WNT9B: variants seen among roughly 807,000 people sequenced by gnomAD.
The protein encoded by WNT9B is Wnt family member 9B, also known as protein Wnt-9b.
WNT9B carries 12 observed loss-of-function variants against 30.2 expected under a neutral mutation model. That is an observed-to-expected ratio of 0.40 (90% CI 0.26 to 0.64). The LOEUF (loss-of-function observed/expected upper bound fraction) is 0.64. Among genes scored for constraint, WNT9B ranks in the 30% least tolerant of loss-of-function variants. The pLI is 0.42. For synonymous variants in WNT9B, 218 were observed against 216.9 expected (o/e 1.01, Z -0.05); for missense variants, 442 against 485.2 (o/e 0.91, Z 0.84).
At chr17:46,872,041 G>A (rs2085253510) in intron 1 of WNT9B, among the ~76,000 whole-genome samples, 1 of 152,128 alleles carries the variant, frequency 6.6e-6, no homozygotes, top group Admixed American at 6.5e-5. Flanking sequence ...CATCCCCTCT[G>A]CCTGCCCCCT....
chr17:46,837,170 T>G (rs773349370), intron 1 of WNT9B, among the ~76,000 whole-genome samples: 1 of 152,196 alleles, frequency 6.6e-6, no homozygotes, highest in Non-Finnish European at 1.5e-5. Flanking sequence ...CTTGATCTCT[T>G]GACCTCGTGA....
chr17:46,866,467 A>AGT (rs997916157), intron 1 of WNT9B, among the ~76,000 whole-genome samples: 1 of 151,370 alleles, frequency 6.6e-6, no homozygotes, highest in Non-Finnish European at 1.5e-5. Flanking sequence ...AGGGAGTGTG[A>AGT]GTGTGTGTGT....
upstream of WNT9B, among the ~76,000 whole-genome samples, chr17:46,849,858 T>G (rs1056905977): frequency 4.6e-5 from 7 of 151,718 alleles, no homozygotes; most frequent in African/African-American, 7.3e-5. Flanking sequence ...TCTTTTTTTT[T>G]TTGTTTTGAG....
upstream of WNT9B, among the ~76,000 whole-genome samples, chr17:46,849,157 A>G (rs956244296): frequency 6.6e-6 from 1 of 152,226 alleles, no homozygotes; most frequent in African/African-American, 2.4e-5. Flanking sequence ...GGGCCACGCC[A>G]TTGGCTGGCA....
chr17:46,880,387 C>A lies in WNT9B; in HGVS notation c.*3669C>A, dbSNP rs965348127. On this transcript the variant is annotated 3_prime_UTR_variant, in exon 4 of 4. Coordinates refer to ENST00000290015, the MANE Select transcript of WNT9B (RefSeq NM_003396.3). ...TGGAAGCCATCACTTATTGAGCACC[C>A]CTTATGTCCATTTATTCAACCAATG... Among the ~76,000 whole-genome samples the A allele has an allele frequency of 1.3e-5, 2 of 152,166 alleles. No individual in the cohort carries two copies. The highest frequency in any genetic ancestry group is 4.8e-5 in the African/African-American group (2 of 41,440).
Position 46,878,790 on chromosome 17 carries a change from A to G in WNT9B, c.*2072A>G, listed in dbSNP as rs1178243800. On this transcript the variant is annotated 3_prime_UTR_variant, in exon 4 of 4. Coordinates refer to ENST00000290015, the MANE Select transcript of WNT9B (RefSeq NM_003396.3). ...CCTGCATTCTGACTTCATGGCTGGC[A>G]GTGCCAGGGTCGTGGGAGGGCAAAG... 6.6e-6 allele frequency among the ~76,000 whole-genome samples: 1 copy of G among 152,248 alleles called. No individual in the cohort carries two copies. Among genetic ancestry groups the G allele is most frequent in the African/African-American group, 2.4e-5 (1 of 41,476 alleles).
intron 1 of WNT9B, among the ~76,000 whole-genome samples, chr17:46,871,819 A>C (rs1253592305): frequency 1.3e-5 from 2 of 152,198 alleles, no homozygotes; most frequent in East Asian, 1.9e-4. Context: ...CTAACCATCC[A>C]TCAGTCCTTC....
intron 1 of WNT9B, among the ~76,000 whole-genome samples, chr17:46,839,945 TTTCTTTCTTTC>T (rs1220179017): frequency 2.0e-5 from 3 of 149,876 alleles, no homozygotes; most frequent in African/African-American, 7.4e-5. Context: ...TCTTTCTTTC[TTTCTTTCTTTC>T]TTTCTTTCTT....
At chr17:46,860,792 T>G (rs964258498) in intron 1 of WNT9B, among the ~76,000 whole-genome samples, 1 of 152,234 alleles carries the variant, frequency 6.6e-6, no homozygotes, top group African/African-American at 2.4e-5. Flanking sequence ...GTGCATTACT[T>G]CACCTCACAT....
At chr17:46,884,708 C>T (rs1261109988), downstream of WNT9B, among the ~76,000 whole-genome samples, 2 of 152,184 alleles carry the variant, frequency 1.3e-5, no homozygotes, top group Non-Finnish European at 2.9e-5. Flanking sequence ...CCCTCCTTTG[C>T]AGCTGAGAAA....
exon 1 of WNT9B, chr17:46,833,318 A>C: frequency 1.9e-6 from 1 of 513,394 alleles, no homozygotes; most frequent in Non-Finnish European, 3.9e-6. Context: ...AGCAAGCTGC[A>C]ATTTCTGTTG....
chr17:46,840,647 A>C (rs2084702076), intron 1 of WNT9B, among the ~76,000 whole-genome samples: 1 of 152,186 alleles, frequency 6.6e-6, no homozygotes, highest in South Asian at 2.1e-4. Flanking sequence ...GTTTCTCCAC[A>C]TCCTTTCCTG....
At chr17:46,874,070 G>C (rs2085302086) in intron 2 of WNT9B, among the ~76,000 whole-genome samples, 1 of 151,856 alleles carries the variant, frequency 6.6e-6, no homozygotes. Context: ...ACGGTCTGCA[G>C]CCAAGCTAAT....
intron 1 of WNT9B, among the ~76,000 whole-genome samples, chr17:46,837,084 A>G (rs1404884991): frequency 6.6e-6 from 1 of 152,124 alleles, no homozygotes; most frequent in African/African-American, 2.4e-5. Context: ...CTAGGACTAC[A>G]GGCACTCGCC....
Position 46,876,506 on chromosome 17 carries a change from C to A in WNT9B, c.862C>A (p.Pro288Thr). The A allele has an allele frequency of 6.2e-7, 1 of 1,613,648 alleles. No homozygotes were observed. Among genetic ancestry groups the A allele is most frequent in the South Asian group, 1.1e-5 (1 of 91,090 alleles). Reference protein sequence around the residue: ...SGDLVYMEDSPSFCRPSKYSP... With the variant: ...SGDLVYMEDSTSFCRPSKYSP... ...GGACCTGGTGTACATGGAGGACTCA[C>A]CCAGCTTCTGCCGGCCCAGCAAGTA... The change falls in exon 4 of 4, where the codon CCC becomes ACC. Residue 288 changes from proline (P) to threonine (T), a missense_variant. By Grantham distance (38) the Pro-to-Thr change is conservative. Coordinates refer to ENST00000290015, the MANE Select transcript of WNT9B (RefSeq NM_003396.3).
intron 1 of WNT9B, among the ~76,000 whole-genome samples, chr17:46,857,600 AC>A (rs1307561715): frequency 6.6e-6 from 1 of 152,162 alleles, no homozygotes; most frequent in Non-Finnish European, 1.5e-5. Flanking sequence ...CTCTTGGATA[AC>A]TGTCTAGGAG....
At chr17:46,870,802 G>T (rs996740198) in intron 1 of WNT9B, among the ~76,000 whole-genome samples, 12 of 152,090 alleles carry the variant, frequency 7.9e-5, no homozygotes, top group African/African-American at 2.4e-4. Flanking sequence ...ACCACTCCTG[G>T]CTTGACCACA....
At chr17:46,839,775 T>C (rs1452545557) in intron 1 of WNT9B, among the ~76,000 whole-genome samples, 1 of 151,674 alleles carries the variant, frequency 6.6e-6, no homozygotes, top group African/African-American at 2.4e-5. Flanking sequence ...GAACATGCAG[T>C]GTTTGGTTTT....
At chr17:46,836,402 G>GATGGTTCTTC (rs2084633196) in intron 1 of WNT9B, among the ~76,000 whole-genome samples, 2 of 152,172 alleles carry the variant, frequency 1.3e-5, no homozygotes, top group African/African-American at 4.8e-5. Flanking sequence ...GGAAAGTGGA[G>GATGGTTCTTC]ATGGTTCTTC....
Sources: allele counts gnomAD v4.1 joint callset (sites outside exome capture counted in the v4.1 genomes callset), GRCh38; gene constraint gnomAD v4.1.1; transcripts MANE v1.5; gene names NCBI Gene and HGNC (gene_info 2026-07-23, HGNC 2026-07-21).